EPB41L1: variants seen among roughly 807,000 people sequenced by gnomAD.
The protein encoded by EPB41L1 is erythrocyte membrane protein band 4.1 like 1.
Under a neutral mutation model 97.8 loss-of-function variants are expected in EPB41L1, and 29 were observed. The ratio of observed to expected loss-of-function variants is 0.30; its 90% CI spans 0.22 to 0.40. The LOEUF (loss-of-function observed/expected upper bound fraction) is 0.40, where lower values mean the gene tolerates loss of function less well. EPB41L1 is among the 10% of genes least tolerant of loss of function. The pLI is 1.00. For missense variants in EPB41L1, 812 were observed against 1,162.3 expected (o/e 0.70, Z 4.38); for synonymous variants, 383 against 459.2 (o/e 0.83, Z 2.12).
intron 1 of EPB41L1, among the ~76,000 whole-genome samples, chr20:36,101,589 C>T (rs887753190): frequency 3.9e-5 from 6 of 152,184 alleles, no homozygotes; most frequent in East Asian, 1.9e-4. Flanking sequence ...TGTGAAACAC[C>T]TAAAAGGGGG....
intron 1 of EPB41L1, among the ~76,000 whole-genome samples, chr20:36,172,147 T>G (rs1341968359): frequency 6.6e-6 from 1 of 152,356 alleles, no homozygotes; most frequent in South Asian, 2.1e-4. Flanking sequence ...TGGAGTGCAG[T>G]GGCTCAGTGA....
intron 13 of EPB41L1, among the ~76,000 whole-genome samples, chr20:36,197,249 G>C (rs1341461689): frequency 6.6e-6 from 1 of 152,128 alleles, no homozygotes; most frequent in Non-Finnish European, 1.5e-5. Flanking sequence ...TCCCTGGCTT[G>C]AGGAGGATCT....
At chr20:36,167,735 CAAT>C (rs1015747453) in intron 1 of EPB41L1, among the ~76,000 whole-genome samples, 25 of 150,494 alleles carry the variant, frequency 1.7e-4, no homozygotes, top group Admixed American at 1.0e-3. Flanking sequence ...ATAATAATAA[CAAT>C]AATAATAAAT....
At chr20:36,147,012 T>C (rs928191872) in intron 2 of EPB41L1, among the ~76,000 whole-genome samples, 2 of 151,956 alleles carry the variant, frequency 1.3e-5, no homozygotes, top group Non-Finnish European at 2.9e-5. Flanking sequence ...CAGTGCATGG[T>C]GGTGTACACC....
At chr20:36,105,651 G>T (rs2058166114) in intron 1 of EPB41L1, among the ~76,000 whole-genome samples, 1 of 152,090 alleles carries the variant, frequency 6.6e-6, no homozygotes. Context: ...GAGGGGAGGG[G>T]GCCACTGGCC....
chr20:36,174,301 C>T (rs1309741985), intron 2 of EPB41L1, among the ~76,000 whole-genome samples: 2 of 151,628 alleles, frequency 1.3e-5, no homozygotes, highest in Non-Finnish European at 2.9e-5. Context: ...GAGTCTCGCC[C>T]TGTCACCCAG....
In EPB41L1 at chr20:36,133,134, C is replaced by T. The variant is rs1325859772; in HGVS notation, c.-10+20654C>T. ...GGCCCGAGCTGTGCCTTTGGCTCCA[C>T]TCTGGCTGTTAGCCCAGTTGGCCTG... On this transcript the variant is annotated intron_variant, in intron 2 of 19. Transcript: ENST00000202028. Among the ~76,000 whole-genome samples, 3 of 152,278 alleles carry T rather than the reference C, an allele frequency of 2.0e-5. No homozygotes were observed. The East Asian group carries it at 5.8e-4, about 29-fold the overall frequency.
chr20:36,131,842 C>A (rs1032812968), intron 2 of EPB41L1, among the ~76,000 whole-genome samples: 2 of 152,096 alleles, frequency 1.3e-5, no homozygotes, highest in African/African-American at 2.4e-5. Flanking sequence ...TGGTTTATGG[C>A]GTAGGTGGCC....
chr20:36,121,786 C>T (rs2058759647), intron 2 of EPB41L1: 1 of 152,238 alleles, frequency 6.6e-6, no homozygotes. Flanking sequence ...ACACAGAAGC[C>T]AGACCTGTCC....
In EPB41L1 at chr20:36,229,436, G is replaced by A. The variant is rs1232779514; in HGVS notation, c.*96G>A. The A allele has an allele frequency of 7.3e-6, 9 of 1,229,154 alleles. No individual in the cohort carries two copies. Among genetic ancestry groups the A allele is most frequent in the East Asian group, 7.0e-5 (3 of 43,046 alleles). The allele number at this position is 1,229,154 out of a possible 1,614,324, so 76.1% of individuals were successfully genotyped here. ...CTGGATTCTCCGACGCAACACTGAC[G>A]TCCCAGCTGCGACGTACTGTCACTG... On this transcript the variant is annotated 3_prime_UTR_variant, in exon 22 of 22. Coordinates refer to ENST00000338074, the MANE Select transcript of EPB41L1 (RefSeq NM_012156.2).
chr20:36,138,084 A>G lies in EPB41L1; in HGVS notation c.-10+25604A>G, dbSNP rs558697780. Among the ~76,000 whole-genome samples, 7 of 152,300 alleles carry G rather than the reference A, an allele frequency of 4.6e-5. No homozygotes were observed. In the East Asian group the frequency reaches 5.8e-4, roughly 13 times the overall value. On this transcript the variant is annotated intron_variant, in intron 2 of 19. Coordinates refer to the EPB41L1 transcript ENST00000202028. ...AAAGCTGAATAATATTCCATTGTAT[A>G]TATGTACAACATTTTGTTTATCCAC... is the stretch of plus-strand genomic sequence containing the variant.
At chr20:36,202,426 C>G (rs2062547977) in intron 14 of EPB41L1, among the ~76,000 whole-genome samples, 1 of 152,192 alleles carries the variant, frequency 6.6e-6, no homozygotes, top group African/African-American at 2.4e-5. Flanking sequence ...CCCTAGAACA[C>G]TTCACTCTCT....
At position 36,185,205 on chromosome 20, in the gene EPB41L1, G is replaced by C; in HGVS notation, c.655G>C (p.Ala219Pro). Residue 219 changes from alanine (A) to proline (P), a missense_variant, in exon 7 of 22, where the codon GCT (alanine) becomes CCT (proline). Coordinates refer to ENST00000338074, the MANE Select transcript of EPB41L1 (RefSeq NM_012156.2). ...CACGCATGCCCTACTGGGCTCCTAC[G>C]CTGTGCAGGCTGAGCTGGGTGACTA... is the stretch of plus-strand genomic sequence containing the variant. The part of the protein sequence containing the change: ...FVTHALLGSY[A>P]VQAELGDYDA... 6.2e-7 allele frequency: 1 copy of C among 1,613,694 alleles called. No individual in the cohort carries two copies. The highest frequency in any genetic ancestry group is 1.1e-5 in the South Asian group (1 of 91,062).
Position 36,206,241 on chromosome 20 carries a change from C to T in EPB41L1, c.1669-3247C>T. On this transcript the variant is annotated intron_variant, in intron 14 of 21. Coordinates refer to ENST00000338074, the MANE Select transcript of EPB41L1 (RefSeq NM_012156.2). The surrounding 1 kb of genome is among the most constrained non-coding windows in gnomAD (Gnocchi z 5.5). ...CCAGAGAGGCAACCATCAGGAACCG[C>T]TGCATGTCAGATGGTCAGCCGGAGG... 7.8e-7 allele frequency: 1 copy of T among 1,289,928 alleles called. No homozygotes were observed. The highest frequency in any genetic ancestry group is 1.5e-5 in the African/African-American group (1 of 66,002). 79.9% of individuals were successfully genotyped at this position (1,289,928 alleles called of 1,614,324 possible).
At position 36,175,660 on chromosome 20, in the gene EPB41L1, G is replaced by C; in HGVS notation, c.287G>C (p.Ser96Thr). ...CAGAAGATTGCCAAGAAATACAAGA[G>C]TGCCATCTGCCGGGTCACTCTGCTT... ...SPQKIAKKYK[S>T]AICRVTLLDA... Residue 96 changes from serine (S) to threonine (T), a missense_variant, in exon 3 of 22, where the codon AGT becomes ACT. Transcript: ENST00000338074. 1.2e-6 allele frequency: 2 copies of C among 1,614,162 alleles called. No homozygotes were observed. Among genetic ancestry groups the C allele is most frequent in the Non-Finnish European group, 8.5e-7 (1 of 1,180,028 alleles).
intron 1 of EPB41L1, among the ~76,000 whole-genome samples, chr20:36,111,923 A>T (rs1256178187): frequency 6.6e-6 from 1 of 152,110 alleles, no homozygotes; most frequent in Non-Finnish European, 1.5e-5. Context: ...GCACCTGAGG[A>T]GGCATCTGGA....
At chr20:36,199,381 T>C (rs145103577) in intron 14 of EPB41L1, among the ~76,000 whole-genome samples, 1 of 152,170 alleles carries the variant, frequency 6.6e-6, no homozygotes, top group Non-Finnish European at 1.5e-5. Flanking sequence ...AAAGACCAGG[T>C]AGAGAGTCAA....
intron 1 of EPB41L1, among the ~76,000 whole-genome samples, chr20:36,106,148 G>T (rs1276854311): frequency 6.6e-6 from 1 of 152,240 alleles, no homozygotes; most frequent in Non-Finnish European, 1.5e-5. Flanking sequence ...TTTGCCTCCT[G>T]CTGGGTGTGG....
At chr20:36,227,152 T>C (rs571573751) in intron 21 of EPB41L1, among the ~76,000 whole-genome samples, 5 of 151,930 alleles carry the variant, frequency 3.3e-5, no homozygotes, top group Non-Finnish European at 7.4e-5. Context: ...TTCGTTTCTA[T>C]AAAAAATGTA....
Sources: allele counts gnomAD v4.1 joint callset (sites outside exome capture counted in the v4.1 genomes callset), GRCh38; gene constraint gnomAD v4.1.1; non-coding constraint Gnocchi (gnomAD v3.1); transcripts MANE v1.5; gene names NCBI Gene and HGNC (gene_info 2026-07-23, HGNC 2026-07-21).